KCNQ3: variants seen among roughly 807,000 people sequenced by gnomAD.
The protein encoded by KCNQ3 is potassium voltage-gated channel subfamily Q member 3, also known as potassium voltage-gated channel subfamily KQT member 3.
A neutral mutation model predicts 92.5 loss-of-function variants in KCNQ3; 30 were observed. The ratio of observed to expected loss-of-function variants is 0.32; its 90% CI spans 0.24 to 0.44. The LOEUF is 0.44. Among genes scored for constraint, KCNQ3 ranks in the 20% least tolerant of loss-of-function variants. The pLI, the probability that KCNQ3 is intolerant of heterozygous loss-of-function variation, is 1.00. For missense variants in KCNQ3, 913 were observed against 1,140.3 expected (o/e 0.80, Z 2.87); for synonymous variants, 450 against 468.8 (o/e 0.96, Z 0.52).
intron 1 of KCNQ3, among the ~76,000 whole-genome samples, chr8:132,245,241 G>C (rs1048989108): frequency 6.6e-6 from 1 of 152,162 alleles, no homozygotes; most frequent in Non-Finnish European, 1.5e-5. Flanking sequence ...CTCAGAGAGA[G>C]AGTATATGTG....
At chr8:132,374,973 G>A (rs1281077349) in intron 1 of KCNQ3, among the ~76,000 whole-genome samples, 2 of 152,078 alleles carry the variant, frequency 1.3e-5, no homozygotes, top group African/African-American at 4.8e-5. Flanking sequence ...TTGTGAATAG[G>A]GCTGCAGTGA....
At chr8:132,462,937 T>C (rs1410507002) in intron 1 of KCNQ3, among the ~76,000 whole-genome samples, 1 of 152,202 alleles carries the variant, frequency 6.6e-6, no homozygotes, top group Non-Finnish European at 1.5e-5. Context: ...TGTCTCTTTT[T>C]CTACACACAC....
intron 1 of KCNQ3, among the ~76,000 whole-genome samples, chr8:132,351,425 C>T (rs1390489274): frequency 6.6e-6 from 1 of 152,174 alleles, no homozygotes; most frequent in Non-Finnish European, 1.5e-5. Flanking sequence ...TCCACCCCTG[C>T]CCCAACTCTC....
At position 132,480,132 on chromosome 8, in the gene KCNQ3, C is replaced by G; in HGVS notation, c.386+15G>C. The G allele has an allele frequency of 6.2e-7, 1 of 1,608,436 alleles. No individual in the cohort carries two copies. The highest frequency in any genetic ancestry group is 1.1e-5 in the South Asian group (1 of 90,492). On this transcript the variant is annotated intron_variant, in intron 1 of 14. Coordinates refer to ENST00000388996, the MANE Select transcript of KCNQ3 (RefSeq NM_004519.4). The stretch of plus-strand genomic sequence containing the variant: ...GCGCCGCCGCCGAGGGCGCCCCGAG[C>G]GGCCGGGTACTCACACCAACGCGTG...
At chr8:132,397,178 T>C (rs1004312808) in intron 1 of KCNQ3, among the ~76,000 whole-genome samples, 37 of 152,310 alleles carry the variant, frequency 2.4e-4, no homozygotes, top group Middle Eastern at 3.4e-3. Context: ...AAATCACTAC[T>C]GGAAACTTCA....
chr8:132,148,603 T>C (rs1218617096), intron 9 of KCNQ3, among the ~76,000 whole-genome samples: 1 of 152,142 alleles, frequency 6.6e-6, no homozygotes, highest in Non-Finnish European at 1.5e-5. Flanking sequence ...GATGTGTCTG[T>C]GAGGGTGGAA....
chr8:132,150,884 G>A (rs1431321242), intron 9 of KCNQ3, among the ~76,000 whole-genome samples: 1 of 152,146 alleles, frequency 6.6e-6, no homozygotes, highest in Non-Finnish European at 1.5e-5. Context: ...TGGCCTAAAA[G>A]AAGGTAAGTG....
At chr8:132,474,306 G>A (rs1822358137) in intron 1 of KCNQ3, among the ~76,000 whole-genome samples, 1 of 152,166 alleles carries the variant, frequency 6.6e-6, no homozygotes, top group South Asian at 2.1e-4. Flanking sequence ...TGATAGGGTA[G>A]TGTAATCATC....
intron 3 of KCNQ3, 96 bp downstream of exon 3, chr8:132,184,145 T>C: frequency 3.3e-6 from 5 of 1,523,244 alleles, no homozygotes; most frequent in Non-Finnish European, 3.6e-6. Flanking sequence ...CAGTGCCGCG[T>C]GATTTCCCAG....
intron 1 of KCNQ3, among the ~76,000 whole-genome samples, chr8:132,271,345 G>C (rs1816141742): frequency 2.6e-5 from 4 of 152,242 alleles, no homozygotes; most frequent in Admixed American, 2.6e-4. Flanking sequence ...GGGCCAAAAT[G>C]AAAGCTGCCA....
chr8:132,301,052 C>T (rs1586908737), intron 1 of KCNQ3, among the ~76,000 whole-genome samples: 3 of 152,198 alleles, frequency 2.0e-5, no homozygotes, highest in Non-Finnish European at 2.9e-5. Flanking sequence ...TGGCTAGTTT[C>T]CACTGAATCC....
At chr8:132,469,465 T>C (rs1474789223) in intron 1 of KCNQ3, among the ~76,000 whole-genome samples, 2 of 152,174 alleles carry the variant, frequency 1.3e-5, no homozygotes, top group Admixed American at 6.5e-5. Context: ...CCAAATCACA[T>C]AGTTAATGCT....
chr8:132,230,399 C>T (rs2130370377), intron 1 of KCNQ3, among the ~76,000 whole-genome samples: 1 of 151,736 alleles, frequency 6.6e-6, no homozygotes, highest in Non-Finnish European at 1.5e-5. Context: ...CCTGTCACTG[C>T]TGAGAAAGAG....
At chr8:132,134,720 C>T (rs1304439024) in intron 12 of KCNQ3, among the ~76,000 whole-genome samples, 2 of 151,774 alleles carry the variant, frequency 1.3e-5, no homozygotes, top group African/African-American at 4.8e-5. Flanking sequence ...GCAGACAAAC[C>T]ACTGAGAGAG....
chr8:132,289,112 G>A (rs551552874), intron 1 of KCNQ3, among the ~76,000 whole-genome samples: 12 of 152,254 alleles, frequency 7.9e-5, no homozygotes, highest in Admixed American at 3.3e-4. Context: ...GTTAAAAAAT[G>A]CATCACTAAG....
intron 1 of KCNQ3, among the ~76,000 whole-genome samples, chr8:132,199,629 G>A (rs914490388): frequency 6.6e-6 from 1 of 152,186 alleles, no homozygotes; most frequent in Non-Finnish European, 1.5e-5. Flanking sequence ...GTAAATGTGG[G>A]TGAGGTGCGG....
chr8:132,347,644 A>G (rs1376243924), intron 1 of KCNQ3, among the ~76,000 whole-genome samples: 1 of 152,196 alleles, frequency 6.6e-6, no homozygotes, highest in African/African-American at 2.4e-5. Flanking sequence ...TACTCTTTAA[A>G]CTGAGATAAA....
intron 1 of KCNQ3, among the ~76,000 whole-genome samples, chr8:132,475,467 G>A (rs920624382): frequency 2.0e-5 from 3 of 152,160 alleles, no homozygotes; most frequent in African/African-American, 7.2e-5. Flanking sequence ...TGGAGATGAG[G>A]AACTTATTGG....
At chr8:132,382,310 T>C (rs1563887909) in intron 1 of KCNQ3, among the ~76,000 whole-genome samples, 1 of 152,108 alleles carries the variant, frequency 6.6e-6, no homozygotes, top group Non-Finnish European at 1.5e-5. Context: ...TAGTAATGAG[T>C]GAGTTCCCAC....
Sources: gnomAD v4.1 joint callset for allele counts (sites outside exome capture counted in the v4.1 genomes callset) on GRCh38, gnomAD v4.1.1 for gene constraint, MANE v1.5 for transcripts, NCBI Gene and HGNC (gene_info 2026-07-23, HGNC 2026-07-21) for gene names.